Variants in MLLT10 observed in about 807,000 individuals in gnomAD.
The protein encoded by MLLT10 is protein AF-10.
Under a neutral mutation model 129.1 loss-of-function variants are expected in MLLT10, and 30 were observed. The ratio of observed to expected loss-of-function variants is 0.23; its 90% CI spans 0.17 to 0.32. The LOEUF is 0.32. Ranked by LOEUF, MLLT10 falls within the 10% of genes least tolerant of loss-of-function variation. The probability of loss-of-function intolerance (pLI) is 1.00; values close to 1 mark genes in which losing one functional copy is unlikely to be tolerated. For missense variants in MLLT10, 1,119 were observed against 1,268.3 expected (o/e 0.88, Z 1.79); for synonymous variants, 490 against 446.4 (o/e 1.10, Z -1.23).
chr10:21,627,656 A>G (rs929835882), intron 8 of MLLT10, among the ~76,000 whole-genome samples: 1 of 152,146 alleles, frequency 6.6e-6, no homozygotes, highest in Non-Finnish European at 1.5e-5. Context: ...ACTCTTTTTT[A>G]AATCTTCATA....
rs578024307 is a variant in MLLT10, at chr10:21,641,175, G to A, written c.700-10498G>A. 2.0e-5 allele frequency among the ~76,000 whole-genome samples: 3 copies of A among 152,254 alleles called. No individual in the cohort carries two copies. The East Asian group carries it at 5.8e-4, about 29-fold the overall frequency. On this transcript the variant is annotated intron_variant, in intron 8 of 22. Coordinates refer to ENST00000307729, the MANE Select transcript of MLLT10 (RefSeq NM_001195626.3). ...AAAAAGAAATGAGTTTGGCGAATAG[G>A]CTGTCTCTACCTCATTTTAGCCCAT...
At chr10:21,657,392 CA>C (rs904471815) in intron 9 of MLLT10, among the ~76,000 whole-genome samples, 4,039 of 49,812 alleles carry the variant, frequency 0.081, 79 homozygotes, top group African/African-American at 0.24. Context: ...GACTCTGTCT[CA>C]AAAAAAAAAA....
intron 3 of MLLT10, among the ~76,000 whole-genome samples, chr10:21,579,160 G>C (rs1173234090): frequency 6.6e-6 from 1 of 152,118 alleles, no homozygotes; most frequent in Non-Finnish European, 1.5e-5. Flanking sequence ...TTATCTCTTA[G>C]CAATTTAAGT....
chr10:21,589,720 G>A (rs2042318939), intron 4 of MLLT10, among the ~76,000 whole-genome samples: 1 of 151,990 alleles, frequency 6.6e-6, no homozygotes, highest in African/African-American at 2.4e-5. Flanking sequence ...GTTTTGTCAG[G>A]TGTTTGTTGA....
chr10:21,603,322 C>G (rs1233291326), intron 5 of MLLT10, among the ~76,000 whole-genome samples: 1 of 151,676 alleles, frequency 6.6e-6, no homozygotes, highest in Non-Finnish European at 1.5e-5. Flanking sequence ...CCACCTTAGC[C>G]TCTGAAAGTG....
chr10:21,631,353 C>T (rs941756921), intron 8 of MLLT10, among the ~76,000 whole-genome samples: 1 of 142,022 alleles, frequency 7.0e-6, no homozygotes, highest in Non-Finnish European at 1.5e-5. Flanking sequence ...AATGGGCAGA[C>T]GAAGAGATAA....
intron 8 of MLLT10, among the ~76,000 whole-genome samples, chr10:21,633,676 A>G (rs2047202557): frequency 6.6e-6 from 1 of 152,218 alleles, no homozygotes; most frequent in South Asian, 2.1e-4. Context: ...CCTGGATGAC[A>G]GAGACCCTGT....
chr10:21,626,360 G>A (rs114108192), intron 8 of MLLT10: 9 of 673,244 alleles, frequency 1.3e-5, no homozygotes, highest in South Asian at 1.1e-4. Context: ...TAGAAATCTC[G>A]CACGCGTGCC....
At chr10:21,736,388 G>T (rs2058367173) in intron 21 of MLLT10, among the ~76,000 whole-genome samples, 1 of 152,174 alleles carries the variant, frequency 6.6e-6, no homozygotes, top group African/African-American at 2.4e-5. Flanking sequence ...GGGCTCAAGT[G>T]ATCCTCCTGC....
At chr10:21,647,395 C>T (rs1363794544) in intron 8 of MLLT10, among the ~76,000 whole-genome samples, 1 of 152,078 alleles carries the variant, frequency 6.6e-6, no homozygotes, top group Admixed American at 6.6e-5. Flanking sequence ...GTAGTGTGTG[C>T]CAATAGTCCC....
At chr10:21,660,865 C>T (rs1194124332) in intron 9 of MLLT10, among the ~76,000 whole-genome samples, 1 of 125,134 alleles carries the variant, frequency 8.0e-6, no homozygotes, top group Non-Finnish European at 1.6e-5. Flanking sequence ...AATCAAAACT[C>T]TGTCTCAAAA....
At position 21,566,401 on chromosome 10, in the gene MLLT10, C is replaced by T. The variant is rs558115802; in HGVS notation, c.241-19893C>T. Among the ~76,000 whole-genome samples, 8 of 151,006 alleles carry T rather than the reference C, an allele frequency of 5.3e-5. No individual in the cohort carries two copies. In the South Asian group the frequency reaches 1.7e-3, roughly 32 times the overall value. On this transcript the variant is annotated intron_variant, in intron 3 of 22. Coordinates refer to ENST00000307729, the MANE Select transcript of MLLT10 (RefSeq NM_001195626.3). ...TGGAGTGCAGTGGCTCAATCTTGGCCCACTGCAACCTCTGCCTCCCGGGTT... is the reference window on the plus strand; with the variant it reads ...TGGAGTGCAGTGGCTCAATCTTGGCTCACTGCAACCTCTGCCTCCCGGGTT...
intron 3 of MLLT10, among the ~76,000 whole-genome samples, chr10:21,549,630 C>G (rs1442942164): frequency 6.7e-6 from 1 of 148,168 alleles, no homozygotes; most frequent in African/African-American, 2.5e-5. Flanking sequence ...GGGTAAGCTT[C>G]AAGTGTGGTC....
chr10:21,670,413 ACT>A, intron 9 of MLLT10, 34 bp from the exon 10 acceptor site: 7 of 1,566,196 alleles, frequency 4.5e-6, no homozygotes, highest in South Asian at 2.4e-5. Flanking sequence ...AATGTAATCA[ACT>A]CTTTTTCCTT....
intron 4 of MLLT10, among the ~76,000 whole-genome samples, chr10:21,593,780 A>G (rs926270307): frequency 6.6e-6 from 1 of 151,868 alleles, no homozygotes; most frequent in Admixed American, 6.6e-5. Flanking sequence ...TACAAAAATT[A>G]GCCCCGTGTG....
chr10:21,626,127 T>G, intron 8 of MLLT10: 1 of 1,610,184 alleles, frequency 6.2e-7, no homozygotes, highest in East Asian at 2.2e-5. Flanking sequence ...TCTCTCTGCC[T>G]GTAGGTCTTC....
At chr10:21,577,579 C>T (rs1033922712) in intron 3 of MLLT10, among the ~76,000 whole-genome samples, 1 of 149,926 alleles carries the variant, frequency 6.7e-6, no homozygotes, top group Non-Finnish European at 1.5e-5. Context: ...TCAAGTGATT[C>T]TTCTGCCTCA....
At chr10:21,667,958 C>T (rs1344467061) in intron 9 of MLLT10, among the ~76,000 whole-genome samples, 1 of 152,016 alleles carries the variant, frequency 6.6e-6, no homozygotes, top group Non-Finnish European at 1.5e-5. Flanking sequence ...TCTGAATTAG[C>T]CTTTTAAAAG....
At chr10:21,556,078 C>A (rs529464052) in intron 3 of MLLT10, among the ~76,000 whole-genome samples, 1 of 150,760 alleles carries the variant, frequency 6.6e-6, no homozygotes, top group Non-Finnish European at 1.5e-5. Context: ...CGGGTTCAGG[C>A]AATTCTCCTG....
Sources: allele counts gnomAD v4.1 joint callset (sites outside exome capture counted in the v4.1 genomes callset), GRCh38; gene constraint gnomAD v4.1.1; transcripts MANE v1.5; gene names NCBI Gene and HGNC (gene_info 2026-07-23, HGNC 2026-07-21).